The following ADAMTSL3 variants were observed in gnomAD, a reference collection of about 807,000 sequenced individuals.
ADAMTSL3 encodes ADAMTS-like protein 3.
ADAMTSL3 carries 128 observed loss-of-function variants against 201.7 expected under a neutral mutation model. That is an observed-to-expected ratio of 0.63 (90% confidence interval 0.55 to 0.73). The LOEUF is 0.73. Ranked by LOEUF, ADAMTSL3 falls within the 30% of genes least tolerant of loss-of-function variation. ADAMTSL3 has a pLI of 0.00. For missense variants in ADAMTSL3, 1,990 were observed against 2,119.6 expected (o/e 0.94, Z 1.20); for synonymous variants, 738 against 748.4 (o/e 0.99, Z 0.23).
intron 3 of ADAMTSL3, among the ~76,000 whole-genome samples, chr15:83,766,223 C>T (rs547542180): frequency 2.6e-5 from 4 of 152,200 alleles, no homozygotes; most frequent in Non-Finnish European, 4.4e-5. Flanking sequence ...CATTGCCTCA[C>T]CACAGCCCTT....
Position 83,918,788 on chromosome 15 carries a change from A to C in ADAMTSL3, c.1988-5116A>C, listed in dbSNP as rs868091317. ...GAGTTATGTGACCAAATTTTTATTTATTTCAAAAAGGTTAGTCCAGCTGTA... is the reference window on the plus strand; with the variant it reads ...GAGTTATGTGACCAAATTTTTATTTCTTTCAAAAAGGTTAGTCCAGCTGTA... On this transcript the variant is annotated intron_variant, in intron 16 of 29. Transcript: ENST00000286744. Among the ~76,000 whole-genome samples the C allele has an allele frequency of 2.0e-5, 3 of 152,162 alleles. No individual in the cohort carries two copies. The South Asian group carries it at 6.2e-4, about 32-fold the overall frequency.
intron 2 of ADAMTSL3, among the ~76,000 whole-genome samples, chr15:83,661,863 C>T (rs1236270614): frequency 6.7e-6 from 1 of 148,186 alleles, no homozygotes; most frequent in African/African-American, 2.5e-5. Flanking sequence ...CAAATCAAAA[C>T]CACTATGAGA....
In ADAMTSL3 at chr15:83,923,976, T is replaced by C. The variant is rs2066198907; in HGVS notation, c.2060T>C (p.Met687Thr). 1 of 1,614,058 alleles carries C rather than the reference T, an allele frequency of 6.2e-7. No homozygotes were observed. The highest frequency in any genetic ancestry group is 1.7e-5 in the Admixed American group (1 of 59,996). Residue 687 changes from methionine to threonine, a missense_variant, in exon 17 of 30, where the codon ATG becomes ACG. Physicochemically the swap from Met to Thr is moderately conservative, Grantham distance 81 (BLOSUM62 -1). Transcript: ENST00000286744. The stretch of plus-strand genomic sequence containing the variant: ...ACAGTCAATGACAGCTTGTGTGATA[T>C]GGTCCACCGTCCTCCAGCCATGAGC... ...QQTVNDSLCD[M>T]VHRPPAMSQA...
chr15:83,889,762 G>T (rs1163536781), intron 10 of ADAMTSL3, among the ~76,000 whole-genome samples: 1 of 152,240 alleles, frequency 6.6e-6, no homozygotes, highest in South Asian at 2.1e-4. Flanking sequence ...GGAGACTATT[G>T]TCATTTTTTA....
chr15:83,799,031 A>G (rs72746948), intron 4 of ADAMTSL3, among the ~76,000 whole-genome samples: 13,335 of 152,082 alleles, frequency 0.088, 742 homozygotes, highest in East Asian at 0.24. Flanking sequence ...TTTCACTGTC[A>G]TTTTGGAAGT....
Position 84,037,894 on chromosome 15 carries a change from T to G in ADAMTSL3, c.*88T>G. On this transcript the variant is annotated 3_prime_UTR_variant, in exon 30 of 30. Coordinates refer to ENST00000286744, the MANE Select transcript of ADAMTSL3 (RefSeq NM_207517.3). ...CATGTCGCTGATTCAAAAACATGTATTTCTTAAAAGACTAGATTCTATGGA... is the reference window on the plus strand; with the variant it reads ...CATGTCGCTGATTCAAAAACATGTAGTTCTTAAAAGACTAGATTCTATGGA... 1.3e-6 allele frequency: 2 copies of G among 1,493,938 alleles called. No individual in the cohort carries two copies. Among genetic ancestry groups the G allele is most frequent in the Non-Finnish European group, 8.9e-7 (1 of 1,123,992 alleles). The allele number at this position is 1,493,938 out of a possible 1,614,324, so 92.5% of individuals were successfully genotyped here. A position where few individuals can be genotyped will look rare whatever the true frequency, so the allele number is the denominator to read the frequency against.
chr15:83,931,772 C>T (rs2142008070), intron 17 of ADAMTSL3, among the ~76,000 whole-genome samples: 1 of 152,298 alleles, frequency 6.6e-6, no homozygotes, highest in Middle Eastern at 3.4e-3. Flanking sequence ...AATGGAGCTG[C>T]ACTTGTGGTT....
intron 8 of ADAMTSL3, among the ~76,000 whole-genome samples, chr15:83,867,869 A>G (rs1009103736): frequency 6.6e-6 from 1 of 152,212 alleles, no homozygotes; most frequent in African/African-American, 2.4e-5. Flanking sequence ...AGAAGCATTC[A>G]TCATTTTCTA....
At chr15:83,712,667 G>T (rs913617547) in intron 3 of ADAMTSL3, among the ~76,000 whole-genome samples, 1 of 152,214 alleles carries the variant, frequency 6.6e-6, no homozygotes, top group African/African-American at 2.4e-5. Flanking sequence ...TGAGCCTCCT[G>T]TCCCTGGGGT....
chr15:83,952,277 T>TC (rs1172457266), intron 19 of ADAMTSL3, among the ~76,000 whole-genome samples: 6 of 152,186 alleles, frequency 3.9e-5, no homozygotes, highest in Non-Finnish European at 8.8e-5. Context: ...AAATTTCTCT[T>TC]GTTATTGATT....
intron 4 of ADAMTSL3, among the ~76,000 whole-genome samples, chr15:83,795,178 G>T (rs549688867): frequency 6.6e-6 from 1 of 152,112 alleles, no homozygotes; most frequent in East Asian, 1.9e-4. Flanking sequence ...TTAAATAGAA[G>T]ATTTAATTTA....
At chr15:83,926,824 C>G (rs1355398333) in intron 17 of ADAMTSL3, among the ~76,000 whole-genome samples, 3 of 152,148 alleles carry the variant, frequency 2.0e-5, no homozygotes, top group Admixed American at 2.0e-4. Flanking sequence ...ACCATGTTGG[C>G]TAGGCTGGTC....
In ADAMTSL3 at chr15:83,907,442, C is replaced by T. The variant is rs185794908; in HGVS notation, c.1701-5650C>T. 6.6e-5 allele frequency among the ~76,000 whole-genome samples: 10 copies of T among 152,290 alleles called. No homozygotes were observed. In the South Asian group the frequency reaches 2.1e-3, roughly 32 times the overall value. On this transcript the variant is annotated intron_variant, in intron 15 of 29. Coordinates refer to ENST00000286744, the MANE Select transcript of ADAMTSL3 (RefSeq NM_207517.3). Reference sequence around the variant, plus strand: ...ACTTTGAGACGGAGTCTCGCTCTGTCACCCAGGCTGGAGTGCAGTGATGTG... The same window carrying T: ...ACTTTGAGACGGAGTCTCGCTCTGTTACCCAGGCTGGAGTGCAGTGATGTG...
chr15:83,656,428 G>A (rs767897265), intron 2 of ADAMTSL3, among the ~76,000 whole-genome samples: 1 of 152,178 alleles, frequency 6.6e-6, no homozygotes, highest in African/African-American at 2.4e-5. Context: ...AGTGCAGAAC[G>A]CGTGCTCCAT....
intron 17 of ADAMTSL3, among the ~76,000 whole-genome samples, chr15:83,927,848 A>G (rs1468269783): frequency 1.3e-5 from 2 of 152,118 alleles, no homozygotes; most frequent in Admixed American, 1.3e-4. Context: ...CCTGATTTCC[A>G]GTCCCTCCAC....
intron 19 of ADAMTSL3, among the ~76,000 whole-genome samples, chr15:83,943,310 TATC>T (rs2066598495): frequency 6.6e-6 from 1 of 152,170 alleles, no homozygotes; most frequent in Non-Finnish European, 1.5e-5. Context: ...TTCAAAGTGT[TATC>T]ATCATCATTC....
intron 15 of ADAMTSL3, among the ~76,000 whole-genome samples, chr15:83,909,120 T>C (rs902007303): frequency 6.6e-6 from 1 of 152,226 alleles, no homozygotes; most frequent in African/African-American, 2.4e-5. Flanking sequence ...ATTAGTCTAC[T>C]TACATTTCTG....
chr15:83,711,838 C>T (rs2061937699), intron 3 of ADAMTSL3, among the ~76,000 whole-genome samples: 1 of 152,044 alleles, frequency 6.6e-6, no homozygotes, highest in African/African-American at 2.4e-5. Flanking sequence ...AGGATGCAGA[C>T]ATTTTCCTCT....
At chr15:83,786,944 A>G (rs537980072) in intron 4 of ADAMTSL3, among the ~76,000 whole-genome samples, 41 of 152,322 alleles carry the variant, frequency 2.7e-4, no homozygotes, top group African/African-American at 8.9e-4. Context: ...GAGATCTGAC[A>G]TAGTTTCTTA....
Sources: allele counts gnomAD v4.1 joint callset (sites outside exome capture counted in the v4.1 genomes callset), GRCh38; gene constraint gnomAD v4.1.1; transcripts MANE v1.5; gene names NCBI Gene and HGNC (gene_info 2026-07-23, HGNC 2026-07-21).